The following SPON1 variants were observed in gnomAD, a reference collection of about 807,000 sequenced individuals.
SPON1 encodes the protein spondin-1.
SPON1 carries 52 observed loss-of-function variants against 111.7 expected under a neutral mutation model. That is an observed-to-expected ratio of 0.47 (90% CI 0.37 to 0.59). The LOEUF (loss-of-function observed/expected upper bound fraction) is 0.59, where lower values mean the gene tolerates loss of function less well. Ranked by LOEUF, SPON1 falls within the 20% of genes least tolerant of loss-of-function variation. SPON1 has a pLI of 0.00. For missense variants in SPON1, 957 were observed against 1,068.5 expected (o/e 0.90, Z 1.46); for synonymous variants, 410 against 395.8 (o/e 1.04, Z -0.43).
chr11:14,130,643 G>A (rs1847518071), intron 5 of SPON1, among the ~76,000 whole-genome samples: 1 of 151,860 alleles, frequency 6.6e-6, no homozygotes, highest in African/African-American at 2.4e-5. Flanking sequence ...AATCAGATAA[G>A]TGTACCTTCA....
Position 14,176,568 on chromosome 11 carries a change from G to A in SPON1, c.825+41000G>A, listed in dbSNP as rs149262788. On this transcript the variant is annotated intron_variant, in intron 6 of 15. Coordinates refer to ENST00000576479, the MANE Select transcript of SPON1 (RefSeq NM_006108.4). ...GGGCTACAGAACCAGTCGGGAGAAG[G>A]AAGGTGGCCTTGGCAGCAATACTCA... 9.0e-3 allele frequency among the ~76,000 whole-genome samples: 1,375 copies of A among 152,282 alleles called. 7 individuals carry two copies. The highest frequency in any genetic ancestry group is 0.034 in the Middle Eastern group (10 of 294).
At chr11:14,088,576 T>G (rs1849025255) in intron 5 of SPON1, among the ~76,000 whole-genome samples, 1 of 152,138 alleles carries the variant, frequency 6.6e-6, no homozygotes. Context: ...TTTTCCTTCA[T>G]TTCAACCTTG....
At chr11:14,233,223 C>T (rs1254914633) in intron 6 of SPON1, among the ~76,000 whole-genome samples, 1 of 152,134 alleles carries the variant, frequency 6.6e-6, no homozygotes, top group Non-Finnish European at 1.5e-5. Context: ...TTGTTTTATA[C>T]CTCACATCCA....
At chr11:14,002,986 C>T (rs1339887704) in intron 2 of SPON1, among the ~76,000 whole-genome samples, 3 of 152,068 alleles carry the variant, frequency 2.0e-5, no homozygotes, top group Non-Finnish European at 4.4e-5. Flanking sequence ...CATGTTTTAC[C>T]CACTTCTCTG....
intron 4 of SPON1, among the ~76,000 whole-genome samples, chr11:14,077,734 C>T (rs1280174672): frequency 2.0e-5 from 3 of 152,028 alleles, no homozygotes; most frequent in Non-Finnish European, 4.4e-5. Context: ...ATCCGCTCAT[C>T]TCTGCCTCCT....
chr11:14,091,250 G>A (rs1297550692), intron 5 of SPON1, among the ~76,000 whole-genome samples: 5 of 152,250 alleles, frequency 3.3e-5, no homozygotes, highest in Non-Finnish European at 5.9e-5. Context: ...AGACTCAGGA[G>A]CCCAGCTGAC....
At chr11:14,070,100 C>T (rs1469550738) in intron 3 of SPON1, among the ~76,000 whole-genome samples, 4 of 152,152 alleles carry the variant, frequency 2.6e-5, no homozygotes, top group Non-Finnish European at 5.9e-5. Context: ...ATAAGGGAGA[C>T]GGCCTCAGCA....
At chr11:14,035,050 A>G (rs1554916471) in intron 2 of SPON1, among the ~76,000 whole-genome samples, 4 of 152,256 alleles carry the variant, frequency 2.6e-5, no homozygotes, top group Non-Finnish European at 5.9e-5. Flanking sequence ...AGAGAGTCTA[A>G]GAACCTGTTA....
intron 2 of SPON1, among the ~76,000 whole-genome samples, chr11:14,018,363 G>T (rs995117357): frequency 5.9e-5 from 9 of 152,136 alleles, no homozygotes; most frequent in African/African-American, 2.2e-4. Flanking sequence ...GGAATGAAGA[G>T]GCAAGGATAG....
chr11:13,983,044 C>T (rs1554909904), intron 2 of SPON1, 91 bp downstream of exon 2: 3 of 853,538 alleles, frequency 3.5e-6, no homozygotes, highest in Non-Finnish European at 5.6e-6. Context: ...GCTTCCCATG[C>T]AGTCCCTTGA....
chr11:14,117,692 T>C (rs113257429), intron 5 of SPON1, among the ~76,000 whole-genome samples: 11 of 152,314 alleles, frequency 7.2e-5, no homozygotes, highest in African/African-American at 2.6e-4. Context: ...CCCTCTTTTG[T>C]CCTATATATA....
At chr11:14,054,595 G>T (rs1848730928) in intron 3 of SPON1, among the ~76,000 whole-genome samples, 2 of 151,878 alleles carry the variant, frequency 1.3e-5, no homozygotes, top group South Asian at 2.1e-4. Context: ...AAGTCAGAGG[G>T]TGTTTTGTGG....
chr11:14,078,922 G>A (rs1848938867), intron 4 of SPON1, among the ~76,000 whole-genome samples: 1 of 152,070 alleles, frequency 6.6e-6, no homozygotes, highest in South Asian at 2.1e-4. Context: ...AGGAAGTCTT[G>A]TAAAATGCTC....
At chr11:14,161,021 ATATATATTTATATATATC>A (rs1253677119) in intron 6 of SPON1, among the ~76,000 whole-genome samples, 2 of 36,500 alleles carry the variant, frequency 5.5e-5, no homozygotes, top group Non-Finnish European at 9.8e-5. Context: ...TTATATATCT[ATATATATTTATATATATC>A]TATATATTTA....
chr11:14,262,587 G>A (rs888224538), intron 14 of SPON1, 125 bp from the exon 15 acceptor site: 3 of 1,295,694 alleles, frequency 2.3e-6, no homozygotes, highest in Non-Finnish European at 3.2e-6. Flanking sequence ...TTCTTCTTCT[G>A]TAAAATAGCA....
chr11:14,061,653 C>T (rs544003156), intron 3 of SPON1, among the ~76,000 whole-genome samples: 1 of 152,256 alleles, frequency 6.6e-6, no homozygotes, highest in African/African-American at 2.4e-5. Flanking sequence ...AACTACCAGG[C>T]CTAAACAGTA....
chr11:14,212,518 G>A (rs1848587503), intron 6 of SPON1, among the ~76,000 whole-genome samples: 1 of 152,092 alleles, frequency 6.6e-6, no homozygotes, highest in African/African-American at 2.4e-5. Flanking sequence ...AGTCAGACCT[G>A]AATTCTCATC....
chr11:14,208,481 T>C (rs868933228), intron 6 of SPON1, among the ~76,000 whole-genome samples: 33 of 152,374 alleles, frequency 2.2e-4, no homozygotes, highest in African/African-American at 7.7e-4. Context: ...GATTAAAATA[T>C]GTTAAATGTT....
intron 6 of SPON1, among the ~76,000 whole-genome samples, chr11:14,180,563 C>A (rs558825879): frequency 6.6e-6 from 1 of 152,174 alleles, no homozygotes; most frequent in African/African-American, 2.4e-5. Context: ...GAGAGTCTAA[C>A]GTAGAAGCTC....
Sources: allele counts gnomAD v4.1 joint callset (sites outside exome capture counted in the v4.1 genomes callset), GRCh38; gene constraint gnomAD v4.1.1; transcripts MANE v1.5; gene names NCBI Gene and HGNC (gene_info 2026-07-23, HGNC 2026-07-21).